GRM1: variants seen among roughly 807,000 people sequenced by gnomAD.
GRM1 encodes the protein metabotropic glutamate receptor 1.
A neutral mutation model predicts 90.9 loss-of-function variants in GRM1; 33 were observed. The observed-to-expected ratio is 0.36, with a 90% CI of 0.28 to 0.49. The LOEUF (loss-of-function observed/expected upper bound fraction) is 0.49, where lower values mean the gene tolerates loss of function less well. GRM1 is among the 20% of genes least tolerant of loss of function. The probability of loss-of-function intolerance (pLI) is 0.99; values close to 1 mark genes in which losing one functional copy is unlikely to be tolerated. For missense variants in GRM1, 1,190 were observed against 1,534.3 expected (o/e 0.78, Z 3.75); for synonymous variants, 700 against 613.2 (o/e 1.14, Z -2.09).
intron 3 of GRM1, among the ~76,000 whole-genome samples, chr6:146,312,297 C>T (rs536821902): frequency 1.5e-5 from 2 of 137,662 alleles, no homozygotes; most frequent in Non-Finnish European, 3.0e-5. Context: ...GCTGACATAG[C>T]GCCACTGCAG....
chr6:146,395,922 A>C (rs1056897885), intron 6 of GRM1, among the ~76,000 whole-genome samples: 1 of 152,174 alleles, frequency 6.6e-6, no homozygotes, highest in Non-Finnish European at 1.5e-5. Flanking sequence ...GCAGGATGAC[A>C]GCTAAAGAAA....
At chr6:146,080,830 A>G (rs1776341427) in intron 1 of GRM1, among the ~76,000 whole-genome samples, 1 of 152,254 alleles carries the variant, frequency 6.6e-6, no homozygotes, top group African/African-American at 2.4e-5. Context: ...AGATAATTTC[A>G]TAATTCTCTG....
At chr6:146,205,828 C>T (rs890802456) in intron 2 of GRM1, among the ~76,000 whole-genome samples, 2 of 152,140 alleles carry the variant, frequency 1.3e-5, no homozygotes, top group East Asian at 3.9e-4. Flanking sequence ...TGCCCCTGTC[C>T]TGATTAATAT....
At chr6:146,068,581 G>A (rs1582956023) in intron 1 of GRM1, among the ~76,000 whole-genome samples, 1 of 152,134 alleles carries the variant, frequency 6.6e-6, no homozygotes, top group African/African-American at 2.4e-5. Flanking sequence ...TTAAATTTCA[G>A]GCCAGAGCTA....
At chr6:146,338,267 G>A (rs1000289398) in intron 3 of GRM1, among the ~76,000 whole-genome samples, 1 of 152,158 alleles carries the variant, frequency 6.6e-6, no homozygotes, top group East Asian at 1.9e-4. Context: ...CTTTTTCAAT[G>A]GTGATATAAT....
intron 1 of GRM1, among the ~76,000 whole-genome samples, chr6:146,153,600 A>G (rs1419636970): frequency 6.6e-6 from 1 of 152,178 alleles, no homozygotes; most frequent in African/African-American, 2.4e-5. Context: ...ACACGTGGAC[A>G]TATGCTGGGG....
intron 1 of GRM1, among the ~76,000 whole-genome samples, chr6:146,041,703 G>A (rs568997140): frequency 2.2e-4 from 33 of 151,996 alleles, no homozygotes; most frequent in African/African-American, 7.5e-4. Flanking sequence ...CTTCTCTGTG[G>A]CTTCAAGGAT....
At chr6:146,306,116 A>G (rs1002655459) in intron 3 of GRM1, among the ~76,000 whole-genome samples, 4 of 152,190 alleles carry the variant, frequency 2.6e-5, no homozygotes, top group African/African-American at 9.7e-5. Flanking sequence ...TCTATTTTCA[A>G]ATAAGGAAGT....
chr6:146,368,269 G>C (rs985538306), intron 5 of GRM1, among the ~76,000 whole-genome samples: 1 of 128,054 alleles, frequency 7.8e-6, no homozygotes, highest in African/African-American at 3.0e-5. Flanking sequence ...TTGGGGGGGG[G>C]GGTAGAATCT....
intron 3 of GRM1, among the ~76,000 whole-genome samples, chr6:146,314,798 C>T (rs977812293): frequency 6.6e-5 from 10 of 151,880 alleles, no homozygotes; most frequent in African/African-American, 2.4e-4. Flanking sequence ...TATTATGAGC[C>T]AAGTCTTGGG....
intron 3 of GRM1, among the ~76,000 whole-genome samples, chr6:146,326,569 C>T (rs1784407843): frequency 6.6e-6 from 1 of 151,938 alleles, no homozygotes; most frequent in Non-Finnish European, 1.5e-5. Flanking sequence ...AAGAAACCTG[C>T]ACTTGTACTC....
intron 3 of GRM1, among the ~76,000 whole-genome samples, chr6:146,307,235 T>C (rs1304446225): frequency 2.6e-5 from 4 of 152,222 alleles, no homozygotes; most frequent in African/African-American, 7.2e-5. Flanking sequence ...CTCAAAGCTG[T>C]GTTTAAGAGC....
intron 3 of GRM1, among the ~76,000 whole-genome samples, chr6:146,313,801 C>T (rs1487965743): frequency 1.3e-5 from 2 of 152,064 alleles, no homozygotes; most frequent in Non-Finnish European, 2.9e-5. Context: ...AATTAAGATA[C>T]TGAACATATT....
chr6:146,429,868 T>C (rs909617403), intron 7 of GRM1, among the ~76,000 whole-genome samples: 2 of 152,216 alleles, frequency 1.3e-5, no homozygotes, highest in African/African-American at 4.8e-5. Flanking sequence ...TCTTGCATTA[T>C]CTGTGGGCTT....
intron 2 of GRM1, among the ~76,000 whole-genome samples, chr6:146,176,537 A>G (rs1400442737): frequency 1.3e-5 from 2 of 152,062 alleles, no homozygotes; most frequent in Non-Finnish European, 2.9e-5. Context: ...GACTTGTTCA[A>G]GAGTTCACTT....
At chr6:146,161,280 C>G (rs917597253) in intron 2 of GRM1, among the ~76,000 whole-genome samples, 5 of 152,200 alleles carry the variant, frequency 3.3e-5, no homozygotes, top group African/African-American at 1.2e-4. Flanking sequence ...AACCTGTGAG[C>G]TTCGGGGCAT....
intron 5 of GRM1, among the ~76,000 whole-genome samples, chr6:146,380,862 T>C (rs189590948): frequency 5.3e-5 from 8 of 152,254 alleles, no homozygotes; most frequent in African/African-American, 1.9e-4. Context: ...CTGTGTCCTT[T>C]CCTTCGAGGC....
intron 2 of GRM1, among the ~76,000 whole-genome samples, chr6:146,259,429 A>T (rs6570749): frequency 0.073 from 11,038 of 152,198 alleles, 1,359 homozygotes; most frequent in African/African-American, 0.25. Flanking sequence ...ATTTTGCATA[A>T]CTGAAACTTT....
rs1329855901 is a variant in GRM1, at chr6:146,029,381, C to G, written c.-137C>G. ...AGGCGGTGGTGGAGGAGGCAAAGGC[C>G]TTGGACGACCATTGTTGGCGAGGGG... On this transcript the variant is annotated 5_prime_UTR_variant, in exon 1 of 8. Coordinates refer to ENST00000282753, the MANE Select transcript of GRM1 (RefSeq NM_001278064.2). The G allele has an allele frequency of 1.4e-5, 11 of 775,166 alleles. No individual in the cohort carries two copies. The allele number at this position is 775,166 out of a possible 1,614,324, so 48.0% of individuals were successfully genotyped here.
Sources: gnomAD v4.1 joint callset for allele counts (sites outside exome capture counted in the v4.1 genomes callset) on GRCh38, gnomAD v4.1.1 for gene constraint, MANE v1.5 for transcripts, NCBI Gene and HGNC (gene_info 2026-07-23, HGNC 2026-07-21) for gene names.